The following BAZ2B variants were observed in gnomAD, a reference collection of about 807,000 sequenced individuals.
The protein encoded by BAZ2B is bromodomain adjacent to zinc finger domain protein 2B.
A neutral mutation model predicts 246.0 loss-of-function variants in BAZ2B; 91 were observed. That is an observed-to-expected ratio of 0.37 (90% CI 0.31 to 0.44). BAZ2B has a LOEUF of 0.44. BAZ2B is among the 20% of genes least tolerant of loss of function. The pLI is 1.00. For missense variants in BAZ2B, 2,332 were observed against 2,533.7 expected (o/e 0.92, Z 1.71); for synonymous variants, 855 against 860.0 (o/e 0.99, Z 0.10).
chr2:159,343,248 T>A (rs139625066), intron 31 of BAZ2B, among the ~76,000 whole-genome samples: 2 of 152,102 alleles, frequency 1.3e-5, no homozygotes, highest in Non-Finnish European at 1.5e-5. Context: ...CCACCTCTTA[T>A]CCTATACAAA....
chr2:159,477,536 T>C (rs1482596191), intron 3 of BAZ2B, among the ~76,000 whole-genome samples: 4 of 151,990 alleles, frequency 2.6e-5, no homozygotes, highest in Non-Finnish European at 5.9e-5. Context: ...AGGTATTTTG[T>C]AAGCAAATAT....
At chr2:159,345,225 G>T (rs1347630988) in intron 31 of BAZ2B, among the ~76,000 whole-genome samples, 2 of 148,488 alleles carry the variant, frequency 1.3e-5, no homozygotes, top group Non-Finnish European at 3.0e-5. Flanking sequence ...AAAAAAAAAA[G>T]AATACAAAAT....
the BAZ2B span, among the ~76,000 whole-genome samples, chr2:159,698,812 T>A: frequency 6.6e-6 from 1 of 152,218 alleles, no homozygotes; most frequent in African/African-American, 2.4e-5. Context: ...ATAATAATTT[T>A]AAAATTTCTA....
intron 1 of BAZ2B, among the ~76,000 whole-genome samples, chr2:159,568,836 G>A (rs1317952977): frequency 6.6e-6 from 1 of 152,158 alleles, no homozygotes; most frequent in Non-Finnish European, 1.5e-5. Context: ...ACTGGGAGAA[G>A]AGGACAAGGT....
chr2:159,336,379 T>C (rs545577837), intron 33 of BAZ2B, among the ~76,000 whole-genome samples: 21 of 152,316 alleles, frequency 1.4e-4, no homozygotes, highest in African/African-American at 4.6e-4. Flanking sequence ...AATGATAAAC[T>C]AATTGGGGTT....
intron 2 of BAZ2B, among the ~76,000 whole-genome samples, chr2:159,486,503 A>G (rs1486247005): frequency 2.0e-5 from 3 of 151,932 alleles, no homozygotes; most frequent in African/African-American, 4.8e-5. Context: ...GCAGAACCAT[A>G]TAACAGGAAC....
rs1325505922 is a variant in BAZ2B, at chr2:159,386,500, G to T, written c.3324C>A (p.Gly1108=). The change falls in exon 22 of 37, where the codon GGC becomes GGA. Residue 1108 remains glycine, a synonymous_variant. Coordinates refer to ENST00000392783, the MANE Select transcript of BAZ2B (RefSeq NM_013450.4). ...TTGGAACATCAATATTCACATCAAAGCCCAAAACTTTACCAAAGTTTCGTA... is the reference window on the plus strand; with the variant it reads ...TTGGAACATCAATATTCACATCAAATCCCAAAACTTTACCAAAGTTTCGTA... ...QFLRNFGKVL[G]FDVNIDVPNL... 2 of 1,613,490 alleles carry T rather than the reference G, an allele frequency of 1.2e-6. No individual in the cohort carries two copies. Among genetic ancestry groups the T allele is most frequent in the Non-Finnish European group, 8.5e-7 (1 of 1,179,752 alleles).
At position 159,485,874 on chromosome 2, in the gene BAZ2B, T is replaced by A. The variant is rs191858859; in HGVS notation, c.-2-7153A>T. Among the ~76,000 whole-genome samples, 4 of 152,186 alleles carry A rather than the reference T, an allele frequency of 2.6e-5. No individual in the cohort carries two copies. The East Asian group carries it at 7.7e-4, about 29-fold the overall frequency. The stretch of plus-strand genomic sequence containing the variant: ...GTTAAATCTTTTAAAGATTTACTCT[T>A]GTTGTACTTCTATCTCAAAAGACCT... On this transcript the variant is annotated intron_variant, in intron 2 of 36. Coordinates refer to ENST00000392783, the MANE Select transcript of BAZ2B (RefSeq NM_013450.4).
intron 14 of BAZ2B, among the ~76,000 whole-genome samples, chr2:159,407,911 A>T (rs1372236963): frequency 6.6e-6 from 1 of 152,192 alleles, no homozygotes; most frequent in Non-Finnish European, 1.5e-5. Flanking sequence ...TCTCATCTAT[A>T]ATAATGCCAG....
chr2:159,515,773 T>G (rs1002899268), intron 2 of BAZ2B, among the ~76,000 whole-genome samples: 14 of 152,220 alleles, frequency 9.2e-5, no homozygotes, highest in African/African-American at 2.9e-4. Flanking sequence ...ATACTTAACA[T>G]TGTTTTTATA....
rs539372035 is a variant in BAZ2B at position 159,539,858 on chromosome 2, C to T, written c.-3+15965G>A. On this transcript the variant is annotated intron_variant, in intron 2 of 36. Transcript: ENST00000392783. ...ATTCCAGCCTCACTGGCACTGTGAT[C>T]ACTATAACCTCTGATTTTCACAACA... Among the ~76,000 whole-genome samples the T allele has an allele frequency of 5.3e-5, 8 of 152,256 alleles. No homozygotes were observed. In the South Asian group the frequency reaches 1.5e-3, roughly 28 times the overall value.
intron 34 of BAZ2B, among the ~76,000 whole-genome samples, chr2:159,327,849 G>A (rs548110281): frequency 6.6e-6 from 1 of 152,292 alleles, no homozygotes; most frequent in Non-Finnish European, 1.5e-5. Flanking sequence ...CGGATCGCCT[G>A]AGGTCAGGAG....
chr2:159,321,824 G>A (rs1413128535), intron 36 of BAZ2B: 1 of 152,160 alleles, frequency 6.6e-6, no homozygotes, highest in Non-Finnish European at 1.5e-5. Flanking sequence ...ATAAGACCTA[G>A]TATGTGACAG....
chr2:159,389,474 C>T lies in BAZ2B; in HGVS notation c.3087G>A (p.Arg1029=). 6.2e-7 allele frequency: 1 copy of T among 1,602,754 alleles called. No individual in the cohort carries two copies. The highest frequency in any genetic ancestry group is 1.1e-5 in the South Asian group (1 of 88,082). Residue 1029 remains arginine, a synonymous_variant, in exon 21 of 37, where the codon CGG becomes CGA. Coordinates refer to ENST00000392783, the MANE Select transcript of BAZ2B (RefSeq NM_013450.4). ...TCTCATCACGTTTTTCTTGTTTCAA[C>T]CGCTCTTTTTCCTTAAAAAGAAAAC... ...EARKKAEEKE[R]LKQEKRDEKR...
chr2:159,617,977 G>A (rs1696259658), upstream of BAZ2B, among the ~76,000 whole-genome samples: 2 of 152,222 alleles, frequency 1.3e-5, no homozygotes, highest in African/African-American at 4.8e-5. Flanking sequence ...CTAAAAATTA[G>A]TGAAGATGAT....
At chr2:159,512,897 T>C (rs1254116152) in intron 2 of BAZ2B, among the ~76,000 whole-genome samples, 1 of 152,152 alleles carries the variant, frequency 6.6e-6, no homozygotes, top group Non-Finnish European at 1.5e-5. Flanking sequence ...CACTACAGAA[T>C]GATAACTAAC....
chr2:159,601,704 G>A (rs1692192735), intron 1 of BAZ2B, among the ~76,000 whole-genome samples: 1 of 152,088 alleles, frequency 6.6e-6, no homozygotes, highest in Non-Finnish European at 1.5e-5. Flanking sequence ...CTGGGCGACA[G>A]GAGCGAAACT....
intron 1 of BAZ2B, among the ~76,000 whole-genome samples, chr2:159,561,032 A>G (rs763627794): frequency 1.1e-4 from 16 of 152,186 alleles, no homozygotes; most frequent in South Asian, 2.1e-4. Context: ...ACTTTCTACA[A>G]TGATGGGAAT....
chr2:159,455,042 T>G (rs1209609857), intron 3 of BAZ2B, among the ~76,000 whole-genome samples: 1 of 152,142 alleles, frequency 6.6e-6, no homozygotes, highest in Middle Eastern at 3.2e-3. Context: ...ATACTCTAGG[T>G]TATCTTAAGA....
Sources: allele counts gnomAD v4.1 joint callset (sites outside exome capture counted in the v4.1 genomes callset), GRCh38; gene constraint gnomAD v4.1.1; transcripts MANE v1.5; gene names NCBI Gene and HGNC (gene_info 2026-07-23, HGNC 2026-07-21).